SPMIP4: variants seen among roughly 807,000 people sequenced by gnomAD.
The protein encoded by SPMIP4 is sperm microtubule inner protein 4.
the SPMIP4 span, among the ~76,000 whole-genome samples, chr7:25,148,140 C>T: frequency 2.4e-4 from 36 of 152,306 alleles, no homozygotes; most frequent in East Asian, 6.6e-3. Flanking sequence ...CCTTGAAAAA[C>T]AAGGCATTCT....
At chr7:25,127,788 A>C in the SPMIP4 span, among the ~76,000 whole-genome samples, 282 of 152,202 alleles carry the variant, frequency 1.9e-3, 1 homozygote, top group African/African-American at 6.4e-3. Context: ...TTAGGTATTT[A>C]TTATTGTCTT....
At chr7:25,157,123 T>G in the SPMIP4 span, among the ~76,000 whole-genome samples, 1 of 151,878 alleles carries the variant, frequency 6.6e-6, no homozygotes, top group African/African-American at 2.4e-5. Context: ...AGGAGCGAAC[T>G]CAAAGAGCTC....
the SPMIP4 span, among the ~76,000 whole-genome samples, chr7:25,162,757 C>CATTT: frequency 0.18 from 26,744 of 151,452 alleles, 3,358 homozygotes; most frequent in African/African-American, 0.35. Flanking sequence ...TAGGATTTGG[C>CATTT]ATTTATTTAT....
chr7:25,126,091 T>C, the SPMIP4 span: 2 of 231,826 alleles, frequency 8.6e-6, no homozygotes, highest in Non-Finnish European at 1.4e-5. Flanking sequence ...TGAGATATTT[T>C]GATACAGGCA....
At chr7:25,158,581 G>C in the SPMIP4 span, 2 of 1,435,412 alleles carry the variant, frequency 1.4e-6, no homozygotes, top group African/African-American at 1.4e-5. Context: ...GGCTTTTAAA[G>C]GTTTATATCC....
At chr7:25,168,715 A>ATTTTTTTCATTTTCGTTTT in the SPMIP4 span, among the ~76,000 whole-genome samples, 5 of 144,718 alleles carry the variant, frequency 3.5e-5, no homozygotes. Context: ...TAGTGTGTTT[A>ATTTTTTTCATTTTCGTTTT]TTTTTTTCAT....
the SPMIP4 span, among the ~76,000 whole-genome samples, chr7:25,169,335 T>C: frequency 6.6e-6 from 1 of 152,174 alleles, no homozygotes; most frequent in Non-Finnish European, 1.5e-5. Context: ...AGCATTTTCA[T>C]CATCTCAAGA....
chr7:25,143,838 T>C, the SPMIP4 span, among the ~76,000 whole-genome samples: 1 of 152,142 alleles, frequency 6.6e-6, no homozygotes, highest in Non-Finnish European at 1.5e-5. Flanking sequence ...CCTCAAGAGA[T>C]CCTCCTACTT....
chr7:25,155,542 A>T, the SPMIP4 span, among the ~76,000 whole-genome samples: 1 of 152,208 alleles, frequency 6.6e-6, no homozygotes, highest in Admixed American at 6.5e-5. Flanking sequence ...AGTTGCTTTT[A>T]ATTACTGTGT....
At chr7:25,173,650 C>T in the SPMIP4 span, among the ~76,000 whole-genome samples, 55,699 of 152,100 alleles carry the variant, frequency 0.37, 12,405 homozygotes, top group Non-Finnish European at 0.5. The surrounding 1 kb of genome is among the most constrained non-coding windows in gnomAD (Gnocchi z 4.4). Context: ...GATCAACAGA[C>T]ACGATTTGGG....
the SPMIP4 span, chr7:25,135,619 C>G: frequency 1.2e-6 from 1 of 862,392 alleles, no homozygotes; most frequent in African/African-American, 1.8e-5. Flanking sequence ...TGAGTTCTTT[C>G]CAGCTTTTCA....
At chr7:25,162,729 C>T in the SPMIP4 span, among the ~76,000 whole-genome samples, 1 of 151,976 alleles carries the variant, frequency 6.6e-6, no homozygotes, top group African/African-American at 2.4e-5. Context: ...TAAAAAAATC[C>T]CTATACTATG....
At chr7:25,171,893 T>A in the SPMIP4 span, among the ~76,000 whole-genome samples, 2 of 152,214 alleles carry the variant, frequency 1.3e-5, no homozygotes, top group African/African-American at 2.4e-5. Flanking sequence ...TACCCTAAAC[T>A]TAAGCTTGGA....
chr7:25,147,560 C>A, the SPMIP4 span, among the ~76,000 whole-genome samples: 1 of 152,052 alleles, frequency 6.6e-6, no homozygotes, highest in Admixed American at 6.5e-5. Flanking sequence ...GCTCAAGGCA[C>A]AGCTGCTGCA....
chr7:25,151,626 C>A, the SPMIP4 span: 1 of 1,611,204 alleles, frequency 6.2e-7, no homozygotes, highest in South Asian at 1.1e-5. Context: ...CTGGCCAAGT[C>A]AGTGCTTTCT....
At chr7:25,174,218 C>T in the SPMIP4 span, among the ~76,000 whole-genome samples, 2 of 151,882 alleles carry the variant, frequency 1.3e-5, no homozygotes, top group African/African-American at 4.8e-5. The surrounding 1 kb of genome is among the most constrained non-coding windows in gnomAD (Gnocchi z 4.5). Context: ...CTTTCTCTCT[C>T]TCCCTCTTTT....
chr7:25,176,635 G>A, the SPMIP4 span, among the ~76,000 whole-genome samples: 1 of 152,178 alleles, frequency 6.6e-6, no homozygotes, highest in Non-Finnish European at 1.5e-5. This position sits in a 1 kb window ranked among gnomAD's most constrained non-coding sequence, Gnocchi z 4.4. Flanking sequence ...AAATTGGAGA[G>A]GACACATATT....
the SPMIP4 span, among the ~76,000 whole-genome samples, chr7:25,134,282 A>G: frequency 6.6e-6 from 1 of 151,378 alleles, no homozygotes; most frequent in Non-Finnish European, 1.5e-5. Context: ...AAACAAAAAC[A>G]AAACACACAC....
chr7:25,179,539 G>A, the SPMIP4 span: 1 of 378,382 alleles, frequency 2.6e-6, no homozygotes, highest in South Asian at 7.5e-5. Flanking sequence ...AAAGTGGACG[G>A]TGCCTCCAAG....
Sources: gnomAD v4.1 joint callset for allele counts (sites outside exome capture counted in the v4.1 genomes callset) on GRCh38, gnomAD v4.1.1 for gene constraint, Gnocchi (gnomAD v3.1) non-coding constraint, MANE v1.5 for transcripts, NCBI Gene and HGNC (gene_info 2026-07-23, HGNC 2026-07-21) for gene names.